Variants in CDH11 observed in about 807,000 individuals in gnomAD.
CDH11 encodes the protein cadherin 11, also known as cadherin-11.
Under a neutral mutation model 67.8 loss-of-function variants are expected in CDH11, and 11 were observed. That is an observed-to-expected ratio of 0.16 (90% CI 0.10 to 0.27). The LOEUF (loss-of-function observed/expected upper bound fraction) is 0.27. Ranked by LOEUF, CDH11 falls within the 10% of genes least tolerant of loss-of-function variation. The pLI is 1.00. For synonymous variants in CDH11, 419 were observed against 400.0 expected, an observed-to-expected ratio of 1.05 and a Z score of -0.57; for missense variants, 847 against 1,031.2, an observed-to-expected ratio of 0.82 and a Z score of 2.45.
chr16:65,116,062 C>T (rs1341175483), intron 1 of CDH11, among the ~76,000 whole-genome samples: 2 of 152,200 alleles, frequency 1.3e-5, no homozygotes, highest in Non-Finnish European at 2.9e-5. Flanking sequence ...CTCATCCTGG[C>T]CCCGCTGCTG....
At chr16:65,014,027 G>A (rs1209567734) in intron 2 of CDH11, among the ~76,000 whole-genome samples, 1 of 152,160 alleles carries the variant, frequency 6.6e-6, no homozygotes, top group Non-Finnish European at 1.5e-5. Flanking sequence ...TCCACAGCAG[G>A]TAATTAAGAA....
At chr16:65,089,068 G>A (rs2074748352) in intron 1 of CDH11, among the ~76,000 whole-genome samples, 2 of 152,132 alleles carry the variant, frequency 1.3e-5, no homozygotes, top group Non-Finnish European at 2.9e-5. Context: ...TTCTTGTTTA[G>A]TTGAGGTCAT....
intron 1 of CDH11, among the ~76,000 whole-genome samples, chr16:65,099,723 T>G (rs1478331481): frequency 2.6e-5 from 4 of 152,218 alleles, no homozygotes; most frequent in South Asian, 2.1e-4. Flanking sequence ...ATTCACAAGA[T>G]TATTTAAGTC....
At chr16:65,028,057 C>T (rs2073568298) in intron 2 of CDH11, among the ~76,000 whole-genome samples, 2 of 152,208 alleles carry the variant, frequency 1.3e-5, no homozygotes, top group Admixed American at 1.3e-4. Context: ...AAAAGACCTA[C>T]ATCATGAAGA....
rs77812721 is a variant in CDH11, at chr16:64,963,198, T to C, written c.1642+8381A>G. 3.4e-3 allele frequency among the ~76,000 whole-genome samples: 513 copies of C among 152,286 alleles called. 2 individuals carry two copies. The highest frequency in any genetic ancestry group is 0.012 in the African/African-American group (498 of 41,560). On this transcript the variant is annotated intron_variant, in intron 11 of 12. Coordinates refer to ENST00000268603, the MANE Select transcript of CDH11 (RefSeq NM_001797.4). ...GTGATTAATATGCTAAGGTCTTTAA[T>C]GGATAAAGTGGACAACATTCAAGAA...
At chr16:65,122,363 T>A, upstream of CDH11, 1 of 229,234 alleles carries the variant, frequency 4.4e-6, no homozygotes, top group Non-Finnish European at 8.6e-6. Context: ...TCAGATGGAG[T>A]CTGGAGCGAC....
chr16:65,060,640 A>G (rs573684135), intron 1 of CDH11, among the ~76,000 whole-genome samples: 1 of 152,312 alleles, frequency 6.6e-6, no homozygotes, highest in African/African-American at 2.4e-5. Flanking sequence ...CATATGCTCC[A>G]GAATAACTTT....
chr16:64,984,824 C>G (rs527888284), intron 7 of CDH11: 2 of 152,150 alleles, frequency 1.3e-5, no homozygotes, highest in African/African-American at 2.4e-5. Context: ...ATTAAGTTAA[C>G]AAATCAGATC....
chr16:65,070,260 C>T (rs149304484), intron 1 of CDH11, among the ~76,000 whole-genome samples: 8 of 152,152 alleles, frequency 5.3e-5, no homozygotes, highest in African/African-American at 1.4e-4. Context: ...CCAAAAGCCA[C>T]GGAACATGGA....
intron 1 of CDH11, among the ~76,000 whole-genome samples, chr16:65,092,310 T>G (rs2074805416): frequency 1.3e-5 from 2 of 152,176 alleles, no homozygotes; most frequent in African/African-American, 4.8e-5. Context: ...AGAATCTAGA[T>G]GAGAATTAAA....
chr16:65,071,586 C>T (rs1019234660), intron 1 of CDH11, among the ~76,000 whole-genome samples: 1 of 152,134 alleles, frequency 6.6e-6, no homozygotes, highest in Non-Finnish European at 1.5e-5. Flanking sequence ...CAGACAAAGA[C>T]AGAAGATGGA....
chr16:65,047,619 G>T (rs1459547863), intron 2 of CDH11, among the ~76,000 whole-genome samples: 1 of 151,864 alleles, frequency 6.6e-6, no homozygotes, highest in Non-Finnish European at 1.5e-5. Flanking sequence ...CTAAGGGCTG[G>T]GATTACAGGC....
At chr16:65,015,962 T>A (rs1301145956) in intron 2 of CDH11, among the ~76,000 whole-genome samples, 1 of 152,188 alleles carries the variant, frequency 6.6e-6, no homozygotes, top group Non-Finnish European at 1.5e-5. Context: ...CATGTATCCA[T>A]CCAGCTTAAT....
Position 65,077,738 on chromosome 16 carries a change from G to A in CDH11, c.-297-23810C>T, listed in dbSNP as rs532659501. Among the ~76,000 whole-genome samples the A allele has an allele frequency of 7.2e-5, 11 of 152,316 alleles. No individual in the cohort carries two copies. The East Asian group carries it at 2.1e-3, about 29-fold the overall frequency. On this transcript the variant is annotated intron_variant, in intron 1 of 12. Coordinates refer to ENST00000268603, the MANE Select transcript of CDH11 (RefSeq NM_001797.4). ...CATTACGCAGCTATAGGACTCAGAAGTATCAAGTTTCACAAATATTTGGTG... is the reference window on the plus strand; with the variant it reads ...CATTACGCAGCTATAGGACTCAGAAATATCAAGTTTCACAAATATTTGGTG...
intron 1 of CDH11, among the ~76,000 whole-genome samples, chr16:65,077,504 C>A (rs1293097813): frequency 2.0e-5 from 3 of 152,124 alleles, no homozygotes; most frequent in Admixed American, 2.0e-4. Flanking sequence ...TAAATGTGAA[C>A]TCAAATGCAA....
chr16:64,985,718 G>A (rs2072470077), intron 7 of CDH11: 1 of 149,554 alleles, frequency 6.7e-6, no homozygotes, highest in South Asian at 2.2e-4. Flanking sequence ...TATCAGGACT[G>A]TTGGGTGGGG....
rs2074844834 is a variant in CDH11 at position 65,094,254 on chromosome 16, G to T, written c.-298+27626C>A. Among the ~76,000 whole-genome samples, 3 of 152,140 alleles carry T rather than the reference G, an allele frequency of 2.0e-5. No individual in the cohort carries two copies. The South Asian group carries it at 6.2e-4, about 32-fold the overall frequency. Reference sequence around the variant, plus strand: ...GACACATAGTGTTCTTTCCTAGCAAGCCAAAGCAACTGGAGAAACACCAAT... The same window carrying T: ...GACACATAGTGTTCTTTCCTAGCAATCCAAAGCAACTGGAGAAACACCAAT... On this transcript the variant is annotated intron_variant, in intron 1 of 12. Transcript: ENST00000268603.
chr16:65,081,004 A>T (rs1597169735), intron 1 of CDH11, among the ~76,000 whole-genome samples: 2 of 152,336 alleles, frequency 1.3e-5, no homozygotes, highest in Middle Eastern at 6.8e-3. Flanking sequence ...ATTTTATTGT[A>T]TCATACCAGT....
intron 1 of CDH11, among the ~76,000 whole-genome samples, chr16:65,101,309 C>T (rs1258050793): frequency 6.6e-6 from 1 of 152,136 alleles, no homozygotes; most frequent in African/African-American, 2.4e-5. Flanking sequence ...AGCACCACAG[C>T]CAAAGGCACA....
Sources: gnomAD v4.1 joint callset for allele counts (sites outside exome capture counted in the v4.1 genomes callset) on GRCh38, gnomAD v4.1.1 for gene constraint, MANE v1.5 for transcripts, NCBI Gene and HGNC (gene_info 2026-07-23, HGNC 2026-07-21) for gene names.